Variants in RBM25 observed in about 807,000 individuals in gnomAD.
The protein encoded by RBM25 is RNA binding motif protein 25.
In RBM25, 19 loss-of-function variants were observed where a neutral mutation model predicts 120.7. That is an observed-to-expected ratio of 0.16 (90% CI 0.11 to 0.23). RBM25 has a LOEUF of 0.23. RBM25 is among the 10% of genes least tolerant of loss of function. The pLI is 1.00. For synonymous variants in RBM25, 390 were observed against 326.7 expected (o/e 1.19, Z -2.09); for missense variants, 605 against 1,041.5 (o/e 0.58, Z 5.77).
At chr14:73,074,635 G>A (rs2140429657) in intron 2 of RBM25, among the ~76,000 whole-genome samples, 1 of 152,166 alleles carries the variant, frequency 6.6e-6, no homozygotes, top group Middle Eastern at 3.4e-3. Context: ...AGATGGTTAT[G>A]GAGAATCTGT....
chr14:73,065,222 C>G (rs951423577), intron 1 of RBM25: 2 of 152,360 alleles, frequency 1.3e-5, no homozygotes, highest in African/African-American at 4.8e-5. Flanking sequence ...CTCGGCCTCC[C>G]GAGTTCAAGT....
chr14:73,069,252 G>C (rs754920611), intron 1 of RBM25, among the ~76,000 whole-genome samples: 7 of 152,110 alleles, frequency 4.6e-5, no homozygotes, highest in Non-Finnish European at 1.0e-4. Flanking sequence ...ATTATAACGA[G>C]GGAGAAATTC....
At chr14:73,067,067 A>ATT (rs375705058) in intron 1 of RBM25, among the ~76,000 whole-genome samples, 28,969 of 131,004 alleles carry the variant, frequency 0.22, 4,176 homozygotes, top group Non-Finnish European at 0.32. Flanking sequence ...GATACATATA[A>ATT]TTTTTTTTTT....
At chr14:73,077,995 C>T (rs1895464822) in intron 4 of RBM25, among the ~76,000 whole-genome samples, 2 of 151,742 alleles carry the variant, frequency 1.3e-5, no homozygotes, top group Admixed American at 1.3e-4. Context: ...CGAGACACAT[C>T]TTTACAAAAA....
Position 73,088,164 on chromosome 14 carries a change from ATGTTTTCTGTCG to A in RBM25, c.543+8_543+19del. ...CAAAGAAGAAAGCTTCTAATGGGGT[ATGTTTTCTGTCG>A]TGTTATCTTTTCTAGGCCAGACTGT... On this transcript the variant is annotated splice_donor_5th_base_variant and intron_variant, in intron 6 of 18. Coordinates refer to ENST00000261973, the MANE Select transcript of RBM25 (RefSeq NM_021239.3). 1.2e-6 allele frequency: 2 copies of A among 1,613,880 alleles called. No homozygotes were observed. The highest frequency in any genetic ancestry group is 1.7e-6 in the Non-Finnish European group (2 of 1,179,944).
At chr14:73,114,473 C>T (rs536871973) in intron 18 of RBM25, 140 bp downstream of exon 18, 2 of 532,320 alleles carry the variant, frequency 3.8e-6, no homozygotes, top group Admixed American at 3.7e-5. Context: ...CCTCCTGCCT[C>T]AGCCTCCCAA....
intron 1 of RBM25, 82 bp from the exon 2 acceptor site, chr14:73,071,545 T>A: frequency 9.9e-7 from 1 of 1,011,238 alleles, no homozygotes; most frequent in Non-Finnish European, 1.5e-6. Context: ...GCAGATACTC[T>A]AAAAATGAAA....
intron 17 of RBM25, among the ~76,000 whole-genome samples, chr14:73,113,031 G>A (rs531039694): frequency 2.0e-5 from 3 of 151,594 alleles, no homozygotes; most frequent in Non-Finnish European, 2.9e-5. Context: ...TATGCATAAC[G>A]TGCAGGTTTG....
rs1449783565 is a variant in RBM25 at position 73,103,433 on chromosome 14, A to G, written c.1109A>G (p.Asp370Gly). 3.1e-6 allele frequency: 5 copies of G among 1,612,194 alleles called. No homozygotes were observed. Among genetic ancestry groups the G allele is most frequent in the Non-Finnish European group, 4.2e-6 (5 of 1,179,368 alleles). Residue 370 changes from aspartate (D) to glycine (G), a missense_variant, in exon 10 of 19, where the codon GAT becomes GGT. This residue lies in a region of RBM25 where 465 missense variants were observed against 741.6 expected (regional missense o/e 0.63). Transcript: ENST00000261973. ...GATCGAGAGAGAGATCGTGACCGGG[A>G]TAGAGAAAGGAGCTCAGATCGTAAT... ...DRDRERDRDR[D>G]RERSSDRNKD...
At chr14:73,067,179 C>G (rs1443857658) in intron 1 of RBM25, among the ~76,000 whole-genome samples, 1 of 151,526 alleles carries the variant, frequency 6.6e-6, no homozygotes, top group Non-Finnish European at 1.5e-5. Context: ...AAGCGATTCT[C>G]CTGCCTCAGC....
intron 4 of RBM25, among the ~76,000 whole-genome samples, chr14:73,078,508 A>G (rs1895478742): frequency 6.6e-6 from 1 of 152,116 alleles, no homozygotes; most frequent in South Asian, 2.1e-4. Flanking sequence ...TAAAATTGAT[A>G]TAATATTGTT....
At chr14:73,072,161 A>G (rs867359737) in intron 2 of RBM25, among the ~76,000 whole-genome samples, 30 of 152,036 alleles carry the variant, frequency 2.0e-4, no homozygotes, top group African/African-American at 6.8e-4. Flanking sequence ...TAGTAGAGAC[A>G]GGGTTTTGCT....
chr14:73,089,342 A>G (rs1895757943), intron 6 of RBM25, among the ~76,000 whole-genome samples: 1 of 152,064 alleles, frequency 6.6e-6, no homozygotes, highest in Non-Finnish European at 1.5e-5. Context: ...TTTTCTGTGT[A>G]TGAATGTGGT....
chr14:73,077,670 C>T (rs572028535), intron 4 of RBM25, 134 bp downstream of exon 4: 2 of 745,504 alleles, frequency 2.7e-6, no homozygotes, highest in Non-Finnish European at 4.2e-6. Context: ...TGAAAAAGTA[C>T]AGTGAACACG....
rs1237621600 is a variant in RBM25, at chr14:73,071,585, C to T, written c.-15-42C>T. 44 of 1,352,858 alleles carry T rather than the reference C, an allele frequency of 3.3e-5. No homozygotes were observed. In the Admixed American group the frequency reaches 4.2e-4, roughly 13 times the overall value. The allele number at this position is 1,352,858 out of a possible 1,614,324, so 83.8% of individuals were successfully genotyped here. ...ACAAAGAAGGCATATAAAATTGTGACGTTTTCAAATAAAATGATTTGTCAT... is the reference window on the plus strand; with the variant it reads ...ACAAAGAAGGCATATAAAATTGTGATGTTTTCAAATAAAATGATTTGTCAT... On this transcript the variant is annotated intron_variant, in intron 1 of 18. Transcript: ENST00000261973.
intron 5 of RBM25, among the ~76,000 whole-genome samples, chr14:73,083,891 CTGT>C (rs1408042365): frequency 6.6e-6 from 1 of 151,296 alleles, no homozygotes; most frequent in Non-Finnish European, 1.5e-5. Flanking sequence ...CAATCATGGC[CTGT>C]TAACTTTTTT....
intron 1 of RBM25, among the ~76,000 whole-genome samples, chr14:73,066,163 G>A (rs368295777): frequency 1.2e-4 from 18 of 152,248 alleles, no homozygotes; most frequent in African/African-American, 4.3e-4. Context: ...AGCCCTTTCT[G>A]TTTTAAAAAG....
chr14:73,097,177 C>T, intron 7 of RBM25, 77 bp downstream of exon 7: 1 of 389,176 alleles, frequency 2.6e-6, no homozygotes, highest in South Asian at 8.0e-5. Context: ...GATTACATGT[C>T]AGTTTTCTTT....
At chr14:73,097,588 G>A (rs1219716724) in intron 7 of RBM25, among the ~76,000 whole-genome samples, 1 of 152,058 alleles carries the variant, frequency 6.6e-6, no homozygotes, top group African/African-American at 2.4e-5. Flanking sequence ...TCCTGCCTCC[G>A]CTTCCTAAAG....
Sources: gnomAD v4.1 joint callset for allele counts (sites outside exome capture counted in the v4.1 genomes callset) on GRCh38, gnomAD v4.1.1 for gene constraint, gnomAD v4.1.1 regional missense constraint, MANE v1.5 for transcripts, NCBI Gene and HGNC (gene_info 2026-07-23, HGNC 2026-07-21) for gene names.